The following HEMK1 variants were observed in gnomAD, a reference collection of about 807,000 sequenced individuals.
HEMK1 encodes HemK methyltransferase 1, mitochondrial release factors N(5)-glutamine.
Under a neutral mutation model 47.9 loss-of-function variants are expected in HEMK1, and 36 were observed. The observed-to-expected ratio is 0.75, with a 90% CI of 0.58 to 0.99. The LOEUF (loss-of-function observed/expected upper bound fraction) is 0.99. Among genes scored for constraint, HEMK1 ranks in the 50% least tolerant of loss-of-function variants. The pLI, the probability that HEMK1 is intolerant of heterozygous loss-of-function variation, is 0.00. For missense variants in HEMK1, 383 were observed against 434.5 expected (o/e 0.88, Z 1.05); for synonymous variants, 153 against 165.4 (o/e 0.93, Z 0.57).
At chr3:50,573,105 C>T (rs980939632) in intron 4 of HEMK1, among the ~76,000 whole-genome samples, 3 of 152,250 alleles carry the variant, frequency 2.0e-5, no homozygotes, top group Admixed American at 1.3e-4. Context: ...GACCCCTCTC[C>T]TCTCCATATC....
chr3:50,576,144 A>G (rs551492202), intron 4 of HEMK1, among the ~76,000 whole-genome samples: 2 of 152,114 alleles, frequency 1.3e-5, no homozygotes, highest in African/African-American at 4.8e-5. Context: ...TCTCCTCCAA[A>G]AGAGGGAATT....
chr3:50,577,747 G>A (rs940869458), intron 6 of HEMK1, 79 bp from the exon 7 acceptor site: 2 of 1,493,582 alleles, frequency 1.3e-6, no homozygotes, highest in African/African-American at 1.4e-5. Flanking sequence ...TCCAAGAAGG[G>A]TTGACTATAA....
chr3:50,589,419 T>TG lies in HEMK1; in HGVS notation c.*9005dup, dbSNP rs907834818. ...TGAGTCTGTGTGTGGTTTTTAAAATTGGGTTTTTTTTTTTTCAATAATTAA... is the reference window on the plus strand; with the variant it reads ...TGAGTCTGTGTGTGGTTTTTAAAATTGGGGTTTTTTTTTTTTCAATAATTAA... On this transcript the variant is annotated 3_prime_UTR_variant, in exon 11 of 11. Coordinates refer to ENST00000232854, the MANE Select transcript of HEMK1 (RefSeq NM_016173.5). The TG allele has an allele frequency of 6.4e-5, 4 of 62,912 alleles. No individual in the cohort carries two copies. The highest frequency in any genetic ancestry group is 1.4e-4 in the Non-Finnish European group (3 of 22,028). The allele number at this position is 62,912 out of a possible 1,614,324, so 3.9% of individuals were successfully genotyped here.
rs2031624155 is a variant in HEMK1 at position 50,589,843 on chromosome 3, G to A, written c.*9426G>A. The A allele has an allele frequency of 6.6e-6, 1 of 152,092 alleles. No individual in the cohort carries two copies. The highest frequency in any genetic ancestry group is 6.6e-5 in the Admixed American group (1 of 15,246). The allele number at this position is 152,092 out of a possible 1,614,324, so 9.4% of individuals were successfully genotyped here. A position where few individuals can be genotyped will look rare whatever the true frequency, so the allele number is the denominator to read the frequency against. ...AACCGAGAGGCAGATGTTGCAGTGA[G>A]CCAAGATCACGCCATTGTACTCCCA... On this transcript the variant is annotated 3_prime_UTR_variant, in exon 11 of 11. Transcript: ENST00000232854.
intron 4 of HEMK1, among the ~76,000 whole-genome samples, chr3:50,576,742 G>A (rs1247603366): frequency 6.6e-6 from 1 of 152,222 alleles, no homozygotes; most frequent in East Asian, 1.9e-4. Context: ...CAGAATGGGA[G>A]GATGTCTGTA....
chr3:50,579,971 C>A, intron 9 of HEMK1, 32 bp downstream of exon 9: 1 of 1,581,462 alleles, frequency 6.3e-7, no homozygotes, highest in Non-Finnish European at 8.7e-7. Flanking sequence ...TAGGTCTGTC[C>A]CCAGCAGGCT....
In HEMK1 at chr3:50,594,369, G is replaced by A. The variant is rs2355323; in HGVS notation, c.*13952G>A. The A allele has an allele frequency of 0.77, 116,837 of 152,148 alleles. 45,971 individuals carry two copies. The highest frequency in any genetic ancestry group is 0.88 in the Middle Eastern group (260 of 294). The allele number at this position is 152,148 out of a possible 1,614,324, so 9.4% of individuals were successfully genotyped here. On this transcript the variant is annotated 3_prime_UTR_variant, in exon 11 of 11. Transcript: ENST00000232854. ...TGTGGTACCAAAGAAAAATTGACAC[G>A]GTCCCTACTCATAAGGAGTTCATGG... is the stretch of plus-strand genomic sequence containing the variant.
At position 50,589,492 on chromosome 3, in the gene HEMK1, G is replaced by A. The variant is rs577075262; in HGVS notation, c.*9075G>A. 6.6e-6 allele frequency: 1 copy of A among 151,834 alleles called. No homozygotes were observed. 9.4% of individuals were successfully genotyped at this position (151,834 alleles called of 1,614,324 possible). The stretch of plus-strand genomic sequence containing the variant: ...CACATGCCTGTGGTCCCACCTACTC[G>A]GGAGGCTGAGGCAGGAGGATTACTT... On this transcript the variant is annotated 3_prime_UTR_variant, in exon 11 of 11. Transcript: ENST00000232854.
chr3:50,580,199 T>C lies in HEMK1; in HGVS notation c.950T>C (p.Leu317Pro), dbSNP rs374847446. 9 of 1,614,014 alleles carry C rather than the reference T, an allele frequency of 5.6e-6. No homozygotes were observed. The highest frequency in any genetic ancestry group is 7.6e-6 in the Non-Finnish European group (9 of 1,180,018). ...AGCCGGCCTGACCTGTACCTTAATCTTGTGGCTGTGCGCAGGGACTTCTGT... is the reference window on the plus strand; with the variant it reads ...AGCCGGCCTGACCTGTACCTTAATCCTGTGGCTGTGCGCAGGGACTTCTGT... Reference protein sequence around the residue: ...LQSRPDLYLNLVAVRRDFCGR... With the variant: ...LQSRPDLYLNPVAVRRDFCGR... Residue 317 changes from leucine (L) to proline (P), a missense_variant, in exon 10 of 11, where the codon CTT (leucine) becomes CCT (proline). Leu to Pro is a moderately conservative substitution (Grantham distance 98). Transcript: ENST00000232854.
rs1663985866 is a variant in HEMK1, at chr3:50,583,695, T to A, written c.*3278T>A. ...CTCTACTGCCCTGGGCTTCAGCCTT[T>A]GTGCAGTACTCTCGATGCCCTGAAC... On this transcript the variant is annotated 3_prime_UTR_variant, in exon 11 of 11. Transcript: ENST00000232854. 6.6e-6 allele frequency: 1 copy of A among 152,240 alleles called. No homozygotes were observed. Among genetic ancestry groups the A allele is most frequent in the Admixed American group, 6.5e-5 (1 of 15,282 alleles). The allele number at this position is 152,240 out of a possible 1,614,324, so 9.4% of individuals were successfully genotyped here. A position where few individuals can be genotyped will look rare whatever the true frequency, so the allele number is the denominator to read the frequency against.
intron 4 of HEMK1, among the ~76,000 whole-genome samples, chr3:50,573,888 C>T (rs1171347749): frequency 2.0e-5 from 3 of 152,224 alleles, no homozygotes; most frequent in Non-Finnish European, 2.9e-5. Flanking sequence ...GTAGGAAACT[C>T]AGGGCTGGGG....
chr3:50,577,428 G>C, intron 5 of HEMK1, 81 bp from the exon 6 acceptor site: 1 of 1,394,028 alleles, frequency 7.2e-7, no homozygotes, highest in Non-Finnish European at 1.0e-6. Flanking sequence ...TGGGGGGTTG[G>C]AGGAGGGTCC....
At chr3:50,577,219 G>C (rs1308420737) in intron 5 of HEMK1, 33 bp downstream of exon 5, 1 of 1,588,476 alleles carries the variant, frequency 6.3e-7, no homozygotes, top group Admixed American at 1.8e-5. Context: ...GATAGACTGT[G>C]ACTGACACTC....
chr3:50,575,106 G>A (rs1330085319), intron 4 of HEMK1, among the ~76,000 whole-genome samples: 1 of 152,108 alleles, frequency 6.6e-6, no homozygotes, highest in Non-Finnish European at 1.5e-5. Context: ...TGGTGCCACA[G>A]AGAGCTTGCC....
At position 50,572,097 on chromosome 3, in the gene HEMK1, C is replaced by G; in HGVS notation, c.321-18C>G. The G allele has an allele frequency of 2.5e-6, 4 of 1,611,344 alleles. No homozygotes were observed. Among genetic ancestry groups the G allele is most frequent in the Non-Finnish European group, 3.4e-6 (4 of 1,178,972 alleles). On this transcript the variant is annotated intron_variant, in intron 3 of 10. Transcript: ENST00000232854. ...CCTAGCTCTGTCCCTGATGACCACC[C>G]AGCTGCCCCCTCTGCAGGATGCCGG...
intron 8 of HEMK1, 53 bp from the exon 9 acceptor site, chr3:50,579,791 C>A: frequency 7.5e-7 from 1 of 1,329,554 alleles, no homozygotes; most frequent in Non-Finnish European, 1.1e-6. Flanking sequence ...GCCCTCCATG[C>A]ATTTCAGATA....
In HEMK1 at chr3:50,580,429, T is replaced by C. The variant is rs1284609837; in HGVS notation, c.*12T>C. Reference sequence around the variant, plus strand: ...GGTCTGGGCCATAGCATGGCTGCCCTGTGGATGCCTTGTCAGTGCCGCCAG... The same window carrying C: ...GGTCTGGGCCATAGCATGGCTGCCCCGTGGATGCCTTGTCAGTGCCGCCAG... On this transcript the variant is annotated 3_prime_UTR_variant, in exon 11 of 11. Transcript: ENST00000232854. 3 of 1,614,070 alleles carry C rather than the reference T, an allele frequency of 1.9e-6. No homozygotes were observed. The highest frequency in any genetic ancestry group is 2.7e-5 in the African/African-American group (2 of 75,038).
At chr3:50,572,036 C>T (rs1701036364) in intron 3 of HEMK1, 79 bp from the exon 4 acceptor site, 1 of 1,594,068 alleles carries the variant, frequency 6.3e-7, no homozygotes, top group African/African-American at 1.3e-5. Context: ...CCTTTGGCCA[C>T]AAGTGGTATC....
intron 4 of HEMK1, among the ~76,000 whole-genome samples, chr3:50,575,482 A>G (rs1701482979): frequency 6.6e-6 from 1 of 152,148 alleles, no homozygotes; most frequent in Non-Finnish European, 1.5e-5. Context: ...TCTGTGGGCC[A>G]AGCCCTGCCA....
Sources: gnomAD v4.1 joint callset for allele counts (sites outside exome capture counted in the v4.1 genomes callset) on GRCh38, gnomAD v4.1.1 for gene constraint, MANE v1.5 for transcripts, NCBI Gene and HGNC (gene_info 2026-07-23, HGNC 2026-07-21) for gene names.